The following ZNF474 variants were observed in gnomAD, a reference collection of about 807,000 sequenced individuals.
The protein encoded by ZNF474 is zinc finger protein 474.
For synonymous variants in ZNF474, 192 were observed against 162.2 expected, an observed-to-expected ratio of 1.18 and a Z score of -1.39; for missense variants, 511 against 433.8, an observed-to-expected ratio of 1.18 and a Z score of -1.58.
intron 1 of ZNF474, among the ~76,000 whole-genome samples, chr5:122,137,348 T>C (rs1346739983): frequency 1.4e-5 from 2 of 144,090 alleles, no homozygotes; most frequent in Non-Finnish European, 3.0e-5. Context: ...CTTGGGAGGC[T>C]GAGGCAGGAG....
At chr5:122,138,939 G>A (rs1274533472) in intron 1 of ZNF474, among the ~76,000 whole-genome samples, 1 of 152,110 alleles carries the variant, frequency 6.6e-6, no homozygotes, top group East Asian at 1.9e-4. Context: ...TAATTATTTT[G>A]TGAAAGACTT....
intron 1 of ZNF474, among the ~76,000 whole-genome samples, chr5:122,151,454 C>T (rs1312857540): frequency 1.3e-5 from 2 of 152,058 alleles, no homozygotes; most frequent in African/African-American, 4.8e-5. Context: ...GTCTCACCAC[C>T]CTGGTCTCAG....
In ZNF474 at chr5:122,152,177, C is replaced by T. The variant is rs750900457; in HGVS notation, c.187C>T (p.Pro63Ser). The change falls in exon 2 of 2, where the codon CCT becomes TCT. Residue 63 changes from proline to serine, a missense_variant. Coordinates refer to ENST00000296600, the MANE Select transcript of ZNF474 (RefSeq NM_207317.3). ...NIKTDTQKKR[P>S]GTVILSKLSS... ...AAAGACAGACACTCAGAAAAAGAGA[C>T]CTGGGACTGTGATACTATCAAAACT... The T allele has an allele frequency of 1.2e-6, 2 of 1,614,098 alleles. No individual in the cohort carries two copies. Among genetic ancestry groups the T allele is most frequent in the South Asian group, 1.1e-5 (1 of 91,086 alleles).
chr5:122,136,859 C>T (rs980988010), intron 1 of ZNF474, among the ~76,000 whole-genome samples: 7 of 152,144 alleles, frequency 4.6e-5, no homozygotes, highest in African/African-American at 1.7e-4. Flanking sequence ...TAACATCAAG[C>T]TAATCTCACT....
intron 1 of ZNF474, among the ~76,000 whole-genome samples, chr5:122,147,084 TA>T (rs760088087): frequency 1.8e-4 from 27 of 152,322 alleles, no homozygotes; most frequent in Middle Eastern, 3.4e-3. Flanking sequence ...TCATCAATTA[TA>T]AGCCTTGGTG....
In ZNF474 at chr5:122,153,091, C is replaced by T. The variant is rs371359992; in HGVS notation, c.*6C>T. ...GTGGTGCCCTCTGCCTGTAGGGGAACAAGAGAAAACTATCCCCAGAATCAG... is the reference window on the plus strand; with the variant it reads ...GTGGTGCCCTCTGCCTGTAGGGGAATAAGAGAAAACTATCCCCAGAATCAG... On this transcript the variant is annotated 3_prime_UTR_variant, in exon 2 of 2. Coordinates refer to ENST00000296600, the MANE Select transcript of ZNF474 (RefSeq NM_207317.3). The T allele has an allele frequency of 1.3e-6, 2 of 1,593,948 alleles. No individual in the cohort carries two copies. The highest frequency in any genetic ancestry group is 1.7e-6 in the Non-Finnish European group (2 of 1,169,344).
chr5:122,152,795 C>T lies in ZNF474; in HGVS notation c.805C>T (p.Leu269Phe), dbSNP rs912087808. The change falls in exon 2 of 2, where the codon CTT becomes TTT. Residue 269 changes from leucine (L) to phenylalanine (F), a missense_variant. Coordinates refer to ENST00000296600, the MANE Select transcript of ZNF474 (RefSeq NM_207317.3). ...GCCACTCCCACAGAAGCCTCAGCCC[C>T]TTCCGAATGCACAGTCCAGCCAAGC... ...HQPLPQKPQP[L>F]PNAQSSQAGP... 2 of 1,614,208 alleles carry T rather than the reference C, an allele frequency of 1.2e-6. No individual in the cohort carries two copies. The highest frequency in any genetic ancestry group is 1.6e-4 in the Middle Eastern group (1 of 6,062).
In ZNF474 at chr5:122,153,323, GAT is replaced by G; in HGVS notation, c.*240_*241del. ...TGGACTTCTTTCTTCCCTGATCCCT[GAT>G]ACAAATAATCCCTGGGAGAGACAGT... On this transcript the variant is annotated 3_prime_UTR_variant, in exon 2 of 2. Coordinates refer to ENST00000296600, the MANE Select transcript of ZNF474 (RefSeq NM_207317.3). 1 of 471,804 alleles carries G rather than the reference GAT, an allele frequency of 2.1e-6. No individual in the cohort carries two copies. The highest frequency in any genetic ancestry group is 3.8e-6 in the Non-Finnish European group (1 of 264,228). The allele number at this position is 471,804 out of a possible 1,614,324, so 29.2% of individuals were successfully genotyped here.
chr5:122,141,162 TTTATTTTATTTTTG>T (rs1461234885), intron 1 of ZNF474, among the ~76,000 whole-genome samples: 1,918 of 38,750 alleles, frequency 0.049, 173 homozygotes, highest in Middle Eastern at 0.11. Context: ...TTTATTTTAT[TTTATTTTATTTTTG>T]GAAACAGTCT....
At position 122,153,242 on chromosome 5, in the gene ZNF474, C is replaced by T. The variant is rs895217754; in HGVS notation, c.*157C>T. ...CTTGGCTGAATAGATATAAGAACATCCTTGCCTGATGGGTTCATATTCCTC... is the reference window on the plus strand; with the variant it reads ...CTTGGCTGAATAGATATAAGAACATTCTTGCCTGATGGGTTCATATTCCTC... On this transcript the variant is annotated 3_prime_UTR_variant, in exon 2 of 2. Transcript: ENST00000296600. The T allele has an allele frequency of 1.3e-5, 11 of 872,094 alleles. No homozygotes were observed. Among genetic ancestry groups the T allele is most frequent in the Non-Finnish European group, 1.9e-5 (11 of 585,282 alleles). 54.0% of individuals were successfully genotyped at this position (872,094 alleles called of 1,614,324 possible).
chr5:122,146,324 G>GAAAA (rs1755987781), intron 1 of ZNF474, among the ~76,000 whole-genome samples: 2 of 151,936 alleles, frequency 1.3e-5, no homozygotes, highest in African/African-American at 4.8e-5. Context: ...TCTTTAATAA[G>GAAAA]CTTGTGGAAA....
In ZNF474 at chr5:122,152,667, T is replaced by C. The variant is rs767883721; in HGVS notation, c.677T>C (p.Ile226Thr). The C allele has an allele frequency of 6.2e-7, 1 of 1,614,130 alleles. No individual in the cohort carries two copies. Among genetic ancestry groups the C allele is most frequent in the South Asian group, 1.1e-5 (1 of 91,080 alleles). Residue 226 changes from isoleucine (I) to threonine (T), a missense_variant, in exon 2 of 2, where the codon ATA becomes ACA. Coordinates refer to ENST00000296600, the MANE Select transcript of ZNF474 (RefSeq NM_207317.3). ...CGACCAAGGACTGTTATCTGCTACA[T>C]ATGTGGTAAGGAATTTGGCACCCTG... Reference protein sequence around the residue: ...PARPRTVICYICGKEFGTLSL... With the variant: ...PARPRTVICYTCGKEFGTLSL...
chr5:122,151,007 C>G (rs576465206), intron 1 of ZNF474, among the ~76,000 whole-genome samples: 1 of 152,124 alleles, frequency 6.6e-6, no homozygotes, highest in African/African-American at 2.4e-5. Flanking sequence ...TACCCTATTC[C>G]CATAATAAAC....
intron 1 of ZNF474, among the ~76,000 whole-genome samples, chr5:122,149,766 T>A (rs1364746235): frequency 6.6e-6 from 1 of 152,208 alleles, no homozygotes. Context: ...CTATCTGGCA[T>A]ATAATTGGCA....
intron 1 of ZNF474, among the ~76,000 whole-genome samples, chr5:122,148,628 A>C (rs1756056271): frequency 6.6e-6 from 1 of 152,010 alleles, no homozygotes; most frequent in South Asian, 2.1e-4. Context: ...GGTTATGTAG[A>C]TTTTTCTGAA....
chr5:122,137,365 T>G (rs1440453983), intron 1 of ZNF474, among the ~76,000 whole-genome samples: 1 of 143,902 alleles, frequency 6.9e-6, no homozygotes, highest in African/African-American at 2.7e-5. Context: ...GGAGAATCGC[T>G]TGAACCTGGA....
rs1756187418 is a variant in ZNF474, at chr5:122,151,908, TC to T, written c.-82del. On this transcript the variant is annotated 5_prime_UTR_variant, in exon 2 of 2. Transcript: ENST00000296600. ...GGTGTGAACCCCAGGACAACTAACC[TC>T]ACTAACCTTCACTCTAAGCAGAAGC... The T allele has an allele frequency of 3.3e-6, 5 of 1,508,010 alleles. No homozygotes were observed. The highest frequency in any genetic ancestry group is 2.4e-4 in the Middle Eastern group (1 of 4,230). 93.4% of individuals were successfully genotyped at this position (1,508,010 alleles called of 1,614,324 possible). A position where few individuals can be genotyped will look rare whatever the true frequency, so the allele number is the denominator to read the frequency against.
chr5:122,147,067 C>T (rs1756010622), intron 1 of ZNF474, among the ~76,000 whole-genome samples: 1 of 152,172 alleles, frequency 6.6e-6, no homozygotes, highest in South Asian at 2.1e-4. Context: ...TTAGAAGGGA[C>T]ATTATCTCAT....
At chr5:122,134,627 T>C (rs1334357788) in intron 1 of ZNF474, among the ~76,000 whole-genome samples, 1 of 152,152 alleles carries the variant, frequency 6.6e-6, no homozygotes, top group East Asian at 1.9e-4. Flanking sequence ...GATGGCCAGA[T>C]TTATCCTGTA....
Sources: allele counts gnomAD v4.1 joint callset (sites outside exome capture counted in the v4.1 genomes callset), GRCh38; gene constraint gnomAD v4.1.1; transcripts MANE v1.5; gene names NCBI Gene and HGNC (gene_info 2026-07-23, HGNC 2026-07-21).